DOCK3: variants seen among roughly 807,000 people sequenced by gnomAD.
DOCK3 encodes dedicator of cytokinesis protein 3.
Under a neutral mutation model 265.6 loss-of-function variants are expected in DOCK3, and 60 were observed. The ratio of observed to expected loss-of-function variants is 0.23; its 90% CI spans 0.18 to 0.28. The LOEUF is 0.28. DOCK3 is among the 10% of genes least tolerant of loss of function. The pLI is 1.00. For synonymous variants in DOCK3, 881 were observed against 938.0 expected (o/e 0.94, Z 1.11); for missense variants, 1,981 against 2,594.3 (o/e 0.76, Z 5.14).
At chr3:51,211,664 T>C (rs536701579) in intron 13 of DOCK3, among the ~76,000 whole-genome samples, 9 of 152,118 alleles carry the variant, frequency 5.9e-5, no homozygotes, top group Non-Finnish European at 1.2e-4. Flanking sequence ...TCCAGCTTCA[T>C]CCATGTCCCT....
chr3:50,963,273 CT>C (rs1354565755), intron 5 of DOCK3, among the ~76,000 whole-genome samples: 1 of 152,168 alleles, frequency 6.6e-6, no homozygotes, highest in African/African-American at 2.4e-5. Context: ...AGTCTTGTTT[CT>C]TTTGTCAGTG....
chr3:51,202,012 C>T (rs1379140067), intron 12 of DOCK3, among the ~76,000 whole-genome samples: 1 of 152,182 alleles, frequency 6.6e-6, no homozygotes, highest in Non-Finnish European at 1.5e-5. Context: ...CTCTGGGACA[C>T]ATTTAAAGCA....
At chr3:51,211,465 C>A (rs967825805) in intron 13 of DOCK3, among the ~76,000 whole-genome samples, 8 of 151,682 alleles carry the variant, frequency 5.3e-5, no homozygotes, top group African/African-American at 1.9e-4. Context: ...TGTGCTGCAC[C>A]CATTAACTCA....
At chr3:51,083,940 C>T (rs1159993141) in intron 7 of DOCK3, among the ~76,000 whole-genome samples, 1 of 152,136 alleles carries the variant, frequency 6.6e-6, no homozygotes, top group Non-Finnish European at 1.5e-5. Context: ...GCCAAGATCA[C>T]ACCACTGTAC....
intron 37 of DOCK3, among the ~76,000 whole-genome samples, chr3:51,340,943 G>A (rs2085196077): frequency 6.6e-6 from 1 of 152,226 alleles, no homozygotes; most frequent in African/African-American, 2.4e-5. Flanking sequence ...AAGGCAGCCT[G>A]TGCACAGATT....
chr3:51,187,751 C>CTTT (rs1222615450), intron 12 of DOCK3, among the ~76,000 whole-genome samples: 21 of 112,132 alleles, frequency 1.9e-4, no homozygotes, highest in South Asian at 2.9e-4. Context: ...TCTGCACAAG[C>CTTT]TTTTTTTTTT....
At chr3:50,687,265 A>T (rs548193314) in intron 1 of DOCK3, among the ~76,000 whole-genome samples, 1 of 152,266 alleles carries the variant, frequency 6.6e-6, no homozygotes, top group South Asian at 2.1e-4. Flanking sequence ...GTGTTGACTC[A>T]TCGCCCTCAT....
intron 22 of DOCK3, among the ~76,000 whole-genome samples, chr3:51,255,192 G>A (rs542465001): frequency 1.3e-5 from 2 of 152,146 alleles, no homozygotes; most frequent in African/African-American, 4.8e-5. Flanking sequence ...TTGAATATTG[G>A]CCCCCACTCT....
intron 10 of DOCK3, among the ~76,000 whole-genome samples, chr3:51,157,184 A>G (rs7618173): frequency 0.78 from 117,954 of 151,936 alleles, 46,889 homozygotes; most frequent in Middle Eastern, 0.89. Flanking sequence ...GTTTCATTAT[A>G]AACATACTTT....
Position 51,300,220 on chromosome 3 carries a change from A to G in DOCK3, c.2923-10012A>G, listed in dbSNP as rs140289584. Among the ~76,000 whole-genome samples, 734 of 151,898 alleles carry G rather than the reference A, an allele frequency of 4.8e-3. 4 individuals are homozygous for G. The highest frequency in any genetic ancestry group is 7.7e-3 in the Non-Finnish European group (521 of 67,854). Reference sequence around the variant, plus strand: ...ATGATTTGGCTCTCTCCTTGGGTGTATATGAATGCTTGTGATTTTTGCGCA... The same window carrying G: ...ATGATTTGGCTCTCTCCTTGGGTGTGTATGAATGCTTGTGATTTTTGCGCA... On this transcript the variant is annotated intron_variant, in intron 27 of 52. Coordinates refer to ENST00000266037, the MANE Select transcript of DOCK3 (RefSeq NM_004947.5).
intron 9 of DOCK3, among the ~76,000 whole-genome samples, chr3:51,113,995 G>A (rs1029759698): frequency 4.6e-5 from 7 of 152,058 alleles, no homozygotes; most frequent in Non-Finnish European, 4.4e-5. Flanking sequence ...TGTAGTCCCA[G>A]GTACTTGAGA....
chr3:50,995,299 A>T (rs2078240407), intron 5 of DOCK3, among the ~76,000 whole-genome samples: 1 of 152,224 alleles, frequency 6.6e-6, no homozygotes, highest in Admixed American at 6.5e-5. Context: ...GTTTAAACAG[A>T]CTAGGTATGG....
chr3:51,161,527 T>G (rs1210823358), intron 12 of DOCK3, among the ~76,000 whole-genome samples: 2 of 152,212 alleles, frequency 1.3e-5, no homozygotes, highest in Non-Finnish European at 2.9e-5. Flanking sequence ...CCAGGCAGCA[T>G]TATTTTTAAT....
chr3:51,245,282 A>C (rs994814164), intron 21 of DOCK3, among the ~76,000 whole-genome samples: 4 of 152,102 alleles, frequency 2.6e-5, no homozygotes, highest in African/African-American at 9.7e-5. Context: ...GGTTACAATG[A>C]GCCGAGGTCG....
chr3:50,752,776 A>AAAAC (rs71631074), intron 1 of DOCK3, among the ~76,000 whole-genome samples: 2 of 152,048 alleles, frequency 1.3e-5, no homozygotes, highest in Non-Finnish European at 2.9e-5. Flanking sequence ...AGACTGTCTC[A>AAAAC]AAACAAACAA....
At chr3:51,143,851 A>G (rs1240733124) in intron 9 of DOCK3, among the ~76,000 whole-genome samples, 1 of 152,100 alleles carries the variant, frequency 6.6e-6, no homozygotes, top group Non-Finnish European at 1.5e-5. Flanking sequence ...CTAATTTATC[A>G]TTTTGTTGTG....
intron 2 of DOCK3, among the ~76,000 whole-genome samples, chr3:50,789,765 A>G (rs894689954): frequency 1.3e-5 from 2 of 152,120 alleles, no homozygotes; most frequent in Non-Finnish European, 2.9e-5. Flanking sequence ...TCTGTCTGTC[A>G]TCCAGGTTGG....
At chr3:50,752,173 G>A (rs1236480733) in intron 1 of DOCK3, among the ~76,000 whole-genome samples, 1 of 152,116 alleles carries the variant, frequency 6.6e-6, no homozygotes, top group African/African-American at 2.4e-5. Flanking sequence ...TGTAAGAAAG[G>A]TGTGTTAGGT....
intron 3 of DOCK3, among the ~76,000 whole-genome samples, chr3:50,876,003 G>A (rs1021078508): frequency 3.3e-5 from 5 of 151,954 alleles, no homozygotes; most frequent in African/African-American, 1.2e-4. Context: ...CTTTACCATC[G>A]TGTAAGGTTT....
Sources: allele counts gnomAD v4.1 joint callset (sites outside exome capture counted in the v4.1 genomes callset), GRCh38; gene constraint gnomAD v4.1.1; transcripts MANE v1.5; gene names NCBI Gene and HGNC (gene_info 2026-07-23, HGNC 2026-07-21).